Variants in C12orf43 observed in about 807,000 individuals in gnomAD.
The protein encoded by C12orf43 is chromosome 12 open reading frame 43.
C12orf43 carries 15 observed loss-of-function variants against 20.6 expected under a neutral mutation model. The observed-to-expected ratio is 0.73, with a 90% confidence interval of 0.49 to 1.12. C12orf43 has a LOEUF of 1.12. C12orf43 is among the 50% of genes most tolerant of loss of function. The pLI, the probability that C12orf43 is intolerant of heterozygous loss-of-function variation, is 0.00. For missense variants in C12orf43, 334 were observed against 344.4 expected, an observed-to-expected ratio of 0.97 and a Z score of 0.24; for synonymous variants, 144 against 130.8, an observed-to-expected ratio of 1.10 and a Z score of -0.69.
chr12:121,015,876 G>T (rs553777592), intron 1 of C12orf43, among the ~76,000 whole-genome samples: 39 of 152,326 alleles, frequency 2.6e-4, no homozygotes, highest in African/African-American at 9.4e-4. Context: ...TTCTATCCAT[G>T]ATTAGGCCCC....
At position 121,003,037 on chromosome 12, in the gene C12orf43, T is replaced by C. The variant is rs1877644201; in HGVS notation, c.*1116A>G. 1 of 151,200 alleles carries C rather than the reference T, an allele frequency of 6.6e-6. No homozygotes were observed. Among genetic ancestry groups the C allele is most frequent in the African/African-American group, 2.4e-5 (1 of 41,132 alleles). 9.4% of individuals were successfully genotyped at this position (151,200 alleles called of 1,614,324 possible). On this transcript the variant is annotated 3_prime_UTR_variant, in exon 6 of 6. Coordinates refer to ENST00000288757, the MANE Select transcript of C12orf43 (RefSeq NM_022895.3). The stretch of plus-strand genomic sequence containing the variant: ...TTCTTTTCTTTTTCTTTTTCTTTTT[T>C]TTTTTTTGAGATAGGGTCTTGCTCC...
rs1338299168 is a variant in C12orf43 at position 121,003,298 on chromosome 12, T to A, written c.*855A>T. 6.6e-6 allele frequency: 1 copy of A among 152,184 alleles called. No individual in the cohort carries two copies. Among genetic ancestry groups the A allele is most frequent in the African/African-American group, 2.4e-5 (1 of 41,414 alleles). The allele number at this position is 152,184 out of a possible 1,614,324, so 9.4% of individuals were successfully genotyped here. On this transcript the variant is annotated 3_prime_UTR_variant, in exon 6 of 6. Coordinates refer to ENST00000288757, the MANE Select transcript of C12orf43 (RefSeq NM_022895.3). ...TCCTTGGCCTCTCAAAATGCTTGGATTACAGGCATGAGCCACTGCACCCGG... is the reference window on the plus strand; with the variant it reads ...TCCTTGGCCTCTCAAAATGCTTGGAATACAGGCATGAGCCACTGCACCCGG...
Position 121,012,271 on chromosome 12 carries a change from G to A in C12orf43, c.146-1125C>T, listed in dbSNP as rs552792630. On this transcript the variant is annotated intron_variant, in intron 1 of 5. Transcript: ENST00000288757. ...TTTGTGTGTTTAGAACCAGCAAGGA[G>A]GTCAGTGTGACCAGAGCCTGCCCAG... Among the ~76,000 whole-genome samples, 4 of 152,328 alleles carry A rather than the reference G, an allele frequency of 2.6e-5. No individual in the cohort carries two copies. The East Asian group carries it at 5.8e-4, about 22-fold the overall frequency.
At position 121,001,928 on chromosome 12, in the gene C12orf43, T is replaced by C. The variant is rs1311390510; in HGVS notation, c.*2225A>G. 1 of 521,942 alleles carries C rather than the reference T, an allele frequency of 1.9e-6. No individual in the cohort carries two copies. Among genetic ancestry groups the C allele is most frequent in the Non-Finnish European group, 3.7e-6 (1 of 269,164 alleles). 32.3% of individuals were successfully genotyped at this position (521,942 alleles called of 1,614,324 possible). A position where few individuals can be genotyped will look rare whatever the true frequency, so the allele number is the denominator to read the frequency against. ...TATTTGTTCCCAAGAGCATCATGCC[T>C]CTGAGGCCAGCCTGGCCTCCTGCCT... On this transcript the variant is annotated 3_prime_UTR_variant, in exon 6 of 6. Transcript: ENST00000288757.
intron 1 of C12orf43, chr12:121,012,423 A>C (rs762065911): frequency 4.4e-5 from 31 of 702,472 alleles, no homozygotes; most frequent in Non-Finnish European, 7.8e-5. Context: ...AAGGGACATA[A>C]ACTGACCTGG....
chr12:121,009,909 G>A (rs1381889471), intron 3 of C12orf43, among the ~76,000 whole-genome samples: 3 of 152,224 alleles, frequency 2.0e-5, no homozygotes, highest in Non-Finnish European at 4.4e-5. Flanking sequence ...AGGCACCCAA[G>A]AAATAGGAAC....
In C12orf43 at chr12:121,016,319, T is replaced by C; in HGVS notation, c.145+11A>G. ...GCCCCTCAGCCAGTCTCCCCAAACA[T>C]AGTACCCTACCGGCTCTTGGCTTCC... On this transcript the variant is annotated intron_variant, in intron 1 of 5. Transcript: ENST00000288757. The C allele has an allele frequency of 1.9e-6, 3 of 1,613,346 alleles. No individual in the cohort carries two copies. The highest frequency in any genetic ancestry group is 1.7e-5 in the Admixed American group (1 of 60,028).
chr12:121,016,274 G>A, intron 1 of C12orf43, 56 bp downstream of exon 1: 1 of 1,609,326 alleles, frequency 6.2e-7, no homozygotes, highest in South Asian at 1.1e-5. Context: ...ATCCTCTCAG[G>A]CTCCAGGGGA....
In C12orf43 at chr12:121,000,671, C is replaced by T. The variant is rs1877395379; in HGVS notation, c.*3482G>A. On this transcript the variant is annotated 3_prime_UTR_variant, in exon 6 of 6. Coordinates refer to ENST00000288757, the MANE Select transcript of C12orf43 (RefSeq NM_022895.3). Reference sequence around the variant, plus strand: ...CCTTCCACTGATGTAGGAGGCCCACCCATATTTTCAGGGTAATCTCCTTCA... The same window carrying T: ...CCTTCCACTGATGTAGGAGGCCCACTCATATTTTCAGGGTAATCTCCTTCA... The T allele has an allele frequency of 1.4e-5, 4 of 294,696 alleles. No homozygotes were observed. The highest frequency in any genetic ancestry group is 2.7e-5 in the Non-Finnish European group (4 of 149,874). The allele number at this position is 294,696 out of a possible 1,614,324, so 18.3% of individuals were successfully genotyped here.
At position 121,004,038 on chromosome 12, in the gene C12orf43, G is replaced by T; in HGVS notation, c.*115C>A. On this transcript the variant is annotated 3_prime_UTR_variant, in exon 6 of 6. Transcript: ENST00000288757. This position sits in a 1 kb window ranked among gnomAD's most constrained non-coding sequence, Gnocchi z 5.6. ...AGGGTCTCATGGGCAGTCTGGGTTT[G>T]CCAGCCCAGTCCTTGAACTTGGAGA... 2 of 1,219,130 alleles carry T rather than the reference G, an allele frequency of 1.6e-6. No individual in the cohort carries two copies. The highest frequency in any genetic ancestry group is 2.4e-6 in the Non-Finnish European group (2 of 829,156). 75.5% of individuals were successfully genotyped at this position (1,219,130 alleles called of 1,614,324 possible). A position where few individuals can be genotyped will look rare whatever the true frequency, so the allele number is the denominator to read the frequency against.
rs763503320 is a variant in C12orf43 at position 121,005,106 on chromosome 12, G to A, written c.362-13C>T. On this transcript the variant is annotated splice_polypyrimidine_tract_variant and intron_variant, in intron 4 of 5. Coordinates refer to ENST00000288757, the MANE Select transcript of C12orf43 (RefSeq NM_022895.3). This position sits in a 1 kb window ranked among gnomAD's most constrained non-coding sequence, Gnocchi z 5.6. ...AAAAGGCGGAAACCTAAGATTCAATGGGGCAGAGTCAAACAAAAACAAAAC... is the reference window on the plus strand; with the variant it reads ...AAAAGGCGGAAACCTAAGATTCAATAGGGCAGAGTCAAACAAAAACAAAAC... 8.0e-7 allele frequency: 1 copy of A among 1,248,542 alleles called. No individual in the cohort carries two copies. Among genetic ancestry groups the A allele is most frequent in the Non-Finnish European group, 1.0e-6 (1 of 959,710 alleles). The allele number at this position is 1,248,542 out of a possible 1,614,324, so 77.3% of individuals were successfully genotyped here.
intron 3 of C12orf43, among the ~76,000 whole-genome samples, chr12:121,009,006 C>T (rs1331613784): frequency 1.3e-5 from 2 of 152,248 alleles, no homozygotes; most frequent in African/African-American, 2.4e-5. Flanking sequence ...ACTACTCTGG[C>T]TTGCAGTCTG....
In C12orf43 at chr12:121,001,456, C is replaced by G. The variant is rs974407604; in HGVS notation, c.*2697G>C. ...TCATGGCAGATGTAGGAGGGACTGT[C>G]GCTGCTTCGTGGGATACAGTCTTCT... On this transcript the variant is annotated 3_prime_UTR_variant, in exon 6 of 6. Transcript: ENST00000288757. The G allele has an allele frequency of 1.9e-6, 1 of 520,294 alleles. No homozygotes were observed. Among genetic ancestry groups the G allele is most frequent in the African/African-American group, 1.9e-5 (1 of 52,638 alleles). The allele number at this position is 520,294 out of a possible 1,614,324, so 32.2% of individuals were successfully genotyped here. A position where few individuals can be genotyped will look rare whatever the true frequency, so the allele number is the denominator to read the frequency against.
chr12:121,013,596 T>C (rs933306513), intron 1 of C12orf43, among the ~76,000 whole-genome samples: 19 of 152,342 alleles, frequency 1.2e-4, no homozygotes, highest in African/African-American at 4.3e-4. Context: ...GAATTAATTG[T>C]CAGAAAAATA....
intron 1 of C12orf43, among the ~76,000 whole-genome samples, chr12:121,014,870 G>A (rs1365152413): frequency 6.6e-6 from 1 of 151,930 alleles, no homozygotes; most frequent in African/African-American, 2.4e-5. Flanking sequence ...CTACTTGGGA[G>A]GCTGAGGTGG....
rs371754460 is a variant in C12orf43, at chr12:121,005,100, T to G, written c.362-7A>C. 5 of 1,331,962 alleles carry G rather than the reference T, an allele frequency of 3.8e-6. No individual in the cohort carries two copies. The highest frequency in any genetic ancestry group is 5.0e-6 in the Non-Finnish European group (5 of 1,008,840). The allele number at this position is 1,331,962 out of a possible 1,614,324, so 82.5% of individuals were successfully genotyped here. A position where few individuals can be genotyped will look rare whatever the true frequency, so the allele number is the denominator to read the frequency against. ...GTGAAGAAAAGGCGGAAACCTAAGA[T>G]TCAATGGGGCAGAGTCAAACAAAAA... is the stretch of plus-strand genomic sequence containing the variant. On this transcript the variant is annotated splice_polypyrimidine_tract_variant and splice_region_variant and intron_variant, in intron 4 of 5. Transcript: ENST00000288757. This position sits in a 1 kb window ranked among gnomAD's most constrained non-coding sequence, Gnocchi z 5.6.
Position 121,012,849 on chromosome 12 carries a change from T to TAAAAAAAAAAAAAAAAAA in C12orf43, c.146-1721_146-1704dup, listed in dbSNP as rs10636003. Among the ~76,000 whole-genome samples, 47 of 91,972 alleles carry TAAAAAAAAAAAAAAAAAA rather than the reference T, an allele frequency of 5.1e-4. 1 individual carries two copies. The highest frequency in any genetic ancestry group is 4.4e-3 in the Middle Eastern group (1 of 228). 60.3% of individuals were successfully genotyped at this position (91,972 alleles called of 152,430 possible). A position where few individuals can be genotyped will look rare whatever the true frequency, so the allele number is the denominator to read the frequency against. Reference sequence around the variant, plus strand: ...CCTGGTGACAGAGCAAGACTCCGTCTAAAAAAAAAAAAAAAAAAAAAAAAA... The same window carrying TAAAAAAAAAAAAAAAAAA: ...CCTGGTGACAGAGCAAGACTCCGTCTAAAAAAAAAAAAAAAAAAAAAAAAAAAAAAAAAAAAAAAAAAA... On this transcript the variant is annotated intron_variant, in intron 1 of 5. Transcript: ENST00000288757.
chr12:121,012,870 A>G (rs1007951704), intron 1 of C12orf43, among the ~76,000 whole-genome samples: 14 of 142,478 alleles, frequency 9.8e-5, no homozygotes, highest in Non-Finnish European at 7.8e-5. Context: ...AAAAAAAAAA[A>G]AAAAGATGGA....
intron 3 of C12orf43, among the ~76,000 whole-genome samples, chr12:121,008,323 T>TG (rs371976781): frequency 5.3e-5 from 8 of 152,022 alleles, no homozygotes; most frequent in African/African-American, 1.9e-4. Flanking sequence ...TTAGTAGAGA[T>TG]GGGGTCTCAC....
Sources: gnomAD v4.1 joint callset for allele counts (sites outside exome capture counted in the v4.1 genomes callset) on GRCh38, gnomAD v4.1.1 for gene constraint, Gnocchi (gnomAD v3.1) non-coding constraint, MANE v1.5 for transcripts, NCBI Gene and HGNC (gene_info 2026-07-23, HGNC 2026-07-21) for gene names.